The following CCT7 variants were observed in gnomAD, a reference collection of about 807,000 sequenced individuals.
CCT7 encodes T-complex protein 1 subunit eta.
In CCT7, 16 loss-of-function variants were observed where a neutral mutation model predicts 56.6. The observed-to-expected ratio is 0.28, with a 90% CI of 0.19 to 0.43. The LOEUF is 0.43. Among genes scored for constraint, CCT7 ranks in the 20% least tolerant of loss-of-function variants. The pLI is 1.00. For missense variants in CCT7, 519 were observed against 685.6 expected, an observed-to-expected ratio of 0.76 and a Z score of 2.71; for synonymous variants, 262 against 254.8, an observed-to-expected ratio of 1.03 and a Z score of -0.27.
rs375318178 is a variant in CCT7 at position 73,234,329 on chromosome 2, C to A, written c.-50C>A. On this transcript the variant is annotated 5_prime_UTR_variant, in exon 1 of 12. Coordinates refer to ENST00000258091, the MANE Select transcript of CCT7 (RefSeq NM_006429.4). Reference sequence around the variant, plus strand: ...AGGCATTGTGGGTTGCTGGGCGGCCCGGTCTCGGAGAAGAGGGGAGAGTGG... The same window carrying A: ...AGGCATTGTGGGTTGCTGGGCGGCCAGGTCTCGGAGAAGAGGGGAGAGTGG... The A allele has an allele frequency of 3.7e-6, 6 of 1,612,854 alleles. No homozygotes were observed. The highest frequency in any genetic ancestry group is 2.2e-5 in the East Asian group (1 of 44,868).
chr2:73,244,536 T>A lies in CCT7; in HGVS notation c.447-8T>A, dbSNP rs1417561444. 2 of 1,602,938 alleles carry A rather than the reference T, an allele frequency of 1.2e-6. No homozygotes were observed. The highest frequency in any genetic ancestry group is 2.7e-5 in the African/African-American group (2 of 74,658). ...AGACCTGATGCAGATTCTGCCCTTG[T>A]GTCCCAGGGAGCAGAGGAAGCTGCT... is the stretch of plus-strand genomic sequence containing the variant. On this transcript the variant is annotated splice_region_variant and splice_polypyrimidine_tract_variant and intron_variant, in intron 5 of 11. Transcript: ENST00000258091.
chr2:73,239,575 C>T, intron 1 of CCT7, 68 bp from the exon 2 acceptor site: 1 of 1,423,838 alleles, frequency 7.0e-7, no homozygotes. Flanking sequence ...GGAGCATTTT[C>T]CCCTTTCCCC....
At position 73,234,354 on chromosome 2, in the gene CCT7, G is replaced by A. The variant is rs1235144365; in HGVS notation, c.-25G>A. On this transcript the variant is annotated 5_prime_UTR_variant, in exon 1 of 12. Transcript: ENST00000258091. ...CGGTCTCGGAGAAGAGGGGAGAGTG[G>A]CGGGCCGCTGAATAAGCTTCCAAAA... 1.9e-6 allele frequency: 3 copies of A among 1,613,336 alleles called. No individual in the cohort carries two copies. The highest frequency in any genetic ancestry group is 4.5e-5 in the East Asian group (2 of 44,898).
Position 73,239,732 on chromosome 2 carries a change from T to G in CCT7, c.96T>G (p.Ile32Met). The G allele has an allele frequency of 6.2e-7, 1 of 1,613,992 alleles. No individual in the cohort carries two copies. The stretch of plus-strand genomic sequence containing the variant: ...GTAACATCAGTGCCTGCCAGGTGAT[T>G]GCTGAGGCTGTAAGAACTACCCTGG... ...LVSNISACQV[I>M]AEAVRTTLGP... The change falls in exon 2 of 12, where the codon ATT becomes ATG. Residue 32 changes from isoleucine to methionine, a missense_variant. Ile to Met is a conservative substitution (Grantham distance 10, BLOSUM62 1). This residue lies in a region of CCT7 where 276 missense variants were observed against 357.3 expected (regional missense o/e 0.77). Transcript: ENST00000258091.
chr2:73,244,845 T>C lies in CCT7; in HGVS notation c.618+130T>C, dbSNP rs942302341. The C allele has an allele frequency of 1.3e-5, 8 of 638,706 alleles. No homozygotes were observed. The African/African-American group carries it at 1.5e-4, about 12-fold the overall frequency. 39.6% of individuals were successfully genotyped at this position (638,706 alleles called of 1,614,324 possible). A position where few individuals can be genotyped will look rare whatever the true frequency, so the allele number is the denominator to read the frequency against. On this transcript the variant is annotated intron_variant, in intron 6 of 11. Coordinates refer to ENST00000258091, the MANE Select transcript of CCT7 (RefSeq NM_006429.4). ...TGTTAGGCAGGAAGTCAGACTTACA[T>C]TGTACTTTCCATACTGCCATTAGAG...
chr2:73,240,079 T>C (rs1010960051), intron 2 of CCT7: 2 of 371,126 alleles, frequency 5.4e-6, no homozygotes, highest in African/African-American at 2.1e-5. Context: ...TCCATTGTTA[T>C]CAAGATGAGA....
chr2:73,239,596 A>G (rs1163274414), intron 1 of CCT7, 47 bp from the exon 2 acceptor site: 1 of 1,567,128 alleles, frequency 6.4e-7, no homozygotes, highest in East Asian at 2.2e-5. Context: ...TGCCAGTCTC[A>G]TTATAATAGA....
chr2:73,244,386 C>T (rs1354282416), intron 5 of CCT7, 158 bp from the exon 6 acceptor site: 19 of 636,578 alleles, frequency 3.0e-5, no homozygotes, highest in Admixed American at 6.0e-5. Context: ...ACTGCAGTCA[C>T]CATCTGTCAC....
intron 1 of CCT7, 150 bp downstream of exon 1, chr2:73,234,534 C>G: frequency 1.0e-6 from 1 of 957,608 alleles, no homozygotes; most frequent in Non-Finnish European, 1.6e-6. Flanking sequence ...CCCAGCCAGC[C>G]GCGGCCTGGC....
chr2:73,235,874 C>A (rs186764296), intron 1 of CCT7, among the ~76,000 whole-genome samples: 1 of 152,312 alleles, frequency 6.6e-6, no homozygotes. Flanking sequence ...GGATCAGAAC[C>A]GCCATTCTCT....
rs1687059502 is a variant in CCT7 at position 73,240,497 on chromosome 2, C to T, written c.221C>T (p.Pro74Leu). The T allele has an allele frequency of 1.9e-6, 3 of 1,611,674 alleles. No homozygotes were observed. Among genetic ancestry groups the T allele is most frequent in the South Asian group, 2.2e-5 (2 of 90,778 alleles). Residue 74 changes from proline (P) to leucine (L), a missense_variant, in exon 3 of 12, where the codon CCT becomes CTT. Coordinates refer to ENST00000258091, the MANE Select transcript of CCT7 (RefSeq NM_006429.4). ...CTGAAACTTCTTGATGTTGTCCATC[C>T]TGCAGCAAAGACTTTGGTAGACATT... ...TILKLLDVVH[P>L]AAKTLVDIAK... is the part of the protein sequence containing the mutation.
chr2:73,248,326 T>TAA (rs1687432249), intron 7 of CCT7, among the ~76,000 whole-genome samples: 1 of 151,868 alleles, frequency 6.6e-6, no homozygotes, highest in South Asian at 2.1e-4. Context: ...GTCACCCACC[T>TAA]TTGAGCAGTT....
chr2:73,251,421 C>T lies in CCT7; in HGVS notation c.1399C>T (p.Arg467Trp), dbSNP rs748661600. The T allele has an allele frequency of 9.6e-6, 13 of 1,357,430 alleles. No individual in the cohort carries two copies. The highest frequency in any genetic ancestry group is 1.5e-5 in the African/African-American group (1 of 66,114). 84.1% of individuals were successfully genotyped at this position (1,357,430 alleles called of 1,614,324 possible). ...AAACATTCTCAACAAGCTGCGGGCTCGGCATGCCCAGGTGGGTCCTTTCTC... is the reference window on the plus strand; with the variant it reads ...AAACATTCTCAACAAGCTGCGGGCTTGGCATGCCCAGGTGGGTCCTTTCTC... The part of the protein sequence containing the change: ...ATNILNKLRA[R>W]HAQGGTWYGV... Residue 467 changes from arginine to tryptophan, a missense_variant, in exon 11 of 12, where the codon CGG becomes TGG. Around this residue, in one of 3 missense-constraint regions of CCT7, gnomAD observed 237 missense variants for 300.8 expected, o/e 0.79. Transcript: ENST00000258091.
At chr2:73,243,926 TGA>T in intron 4 of CCT7, 69 bp from the exon 5 acceptor site, 1 of 1,385,018 alleles carries the variant, frequency 7.2e-7, no homozygotes, top group Non-Finnish European at 1.0e-6. Context: ...TCAGGACTAT[TGA>T]GAGATTGAGG....
chr2:73,243,280 A>G (rs1335865228), intron 4 of CCT7, 151 bp downstream of exon 4: 1 of 790,660 alleles, frequency 1.3e-6, no homozygotes, highest in African/African-American at 1.7e-5. Flanking sequence ...AGTTCTACTA[A>G]TCTGTAGCCA....
At chr2:73,252,547 CG>C (rs1687640408) in intron 11 of CCT7, 92 bp from the exon 12 acceptor site, 2 of 936,638 alleles carry the variant, frequency 2.1e-6, no homozygotes, top group East Asian at 4.9e-5. Context: ...AGAGAGTCTG[CG>C]GGTTCCTAGC....
In CCT7 at chr2:73,240,317, C is replaced by A. The variant is rs2103771188; in HGVS notation, c.161-120C>A. 4 of 558,500 alleles carry A rather than the reference C, an allele frequency of 7.2e-6. No individual in the cohort carries two copies. The South Asian group carries it at 1.1e-4, about 16-fold the overall frequency. 34.6% of individuals were successfully genotyped at this position (558,500 alleles called of 1,614,324 possible). ...TAGAAAGATCAGATAGGTATCCTTT[C>A]CCTTCAGCCCTGCCGTGATCCCCTC... is the stretch of plus-strand genomic sequence containing the variant. On this transcript the variant is annotated intron_variant, in intron 2 of 11. Coordinates refer to ENST00000258091, the MANE Select transcript of CCT7 (RefSeq NM_006429.4).
rs1280145810 is a variant in CCT7, at chr2:73,243,102, T to G, written c.366T>G (p.Ile122Met). The stretch of plus-strand genomic sequence containing the variant: ...AAGGTTTACACCCCCAGATCATCAT[T>G]CGAGCTTTCCGCACAGCCACCCAGC... Reference protein sequence around the residue: ...VEEGLHPQIIIRAFRTATQLA... With the variant: ...VEEGLHPQIIMRAFRTATQLA... The change falls in exon 4 of 12, where the codon ATT becomes ATG. Residue 122 changes from isoleucine (I) to methionine (M), a missense_variant. By Grantham distance (10) the Ile-to-Met change is conservative. Coordinates refer to ENST00000258091, the MANE Select transcript of CCT7 (RefSeq NM_006429.4). 6.2e-7 allele frequency: 1 copy of G among 1,613,886 alleles called. No individual in the cohort carries two copies. Among genetic ancestry groups the G allele is most frequent in the African/African-American group, 1.3e-5 (1 of 74,920 alleles).
At chr2:73,234,500 C>T (rs987456296) in intron 1 of CCT7, 116 bp downstream of exon 1, 7 of 1,245,794 alleles carry the variant, frequency 5.6e-6, no homozygotes, top group Middle Eastern at 2.4e-4. Context: ...CTGTCCTCGC[C>T]CAGATCCCCA....
Sources: allele counts gnomAD v4.1 joint callset (sites outside exome capture counted in the v4.1 genomes callset), GRCh38; gene constraint gnomAD v4.1.1; regional missense constraint gnomAD v4.1.1; transcripts MANE v1.5; gene names NCBI Gene and HGNC (gene_info 2026-07-23, HGNC 2026-07-21).